Variants in SNORC observed in about 807,000 individuals in gnomAD.
SNORC encodes secondary ossification center associated regulator of chondrocyte maturation, also known as protein SNORC.
In SNORC, 11 loss-of-function variants were observed where a neutral mutation model predicts 9.7. The observed-to-expected ratio is 1.14, with a 90% confidence interval of 0.72 to 1.88. The LOEUF is 1.88. SNORC is among the 40% of genes most tolerant of loss of function. The pLI is 0.00. For synonymous variants in SNORC, 108 were observed against 88.7 expected, an observed-to-expected ratio of 1.22 and a Z score of -1.22; for missense variants, 197 against 173.1, an observed-to-expected ratio of 1.14 and a Z score of -0.77.
chr2:232,874,238 CTGAA>C (rs1288822508), intron 1 of SNORC, among the ~76,000 whole-genome samples: 2 of 152,248 alleles, frequency 1.3e-5, no homozygotes, highest in African/African-American at 4.8e-5. Flanking sequence ...AATCCTCTAT[CTGAA>C]TGCTGAAATC....
chr2:232,876,408 A>C, downstream of SNORC: 2 of 1,483,990 alleles, frequency 1.3e-6, no homozygotes, highest in Non-Finnish European at 1.8e-6. The surrounding 1 kb of genome is among the most constrained non-coding windows in gnomAD (Gnocchi z 6.8). Flanking sequence ...TGCACTCCTC[A>C]CGCGCCTGTA....
At chr2:232,868,083 A>C (rs1201061092), upstream of SNORC, among the ~76,000 whole-genome samples, 1 of 152,052 alleles carries the variant, frequency 6.6e-6, no homozygotes, top group African/African-American at 2.4e-5. Flanking sequence ...TATATCAAGT[A>C]ATACATTAGT....
intron 1 of SNORC, among the ~76,000 whole-genome samples, chr2:232,874,123 G>A (rs1021393422): frequency 3.3e-5 from 5 of 152,224 alleles, no homozygotes; most frequent in Non-Finnish European, 2.9e-5. Flanking sequence ...ACATTTTATT[G>A]TGGAAAGATG....
intron 1 of SNORC, 100 bp downstream of exon 1, chr2:232,870,514 C>A: frequency 8.6e-7 from 1 of 1,157,686 alleles, no homozygotes; most frequent in Non-Finnish European, 1.2e-6. Context: ...AGGAAGCCCT[C>A]TCACAGGAGA....
intron 1 of SNORC, chr2:232,875,699 TG>T (rs1484845843): frequency 3.6e-6 from 2 of 561,002 alleles, no homozygotes; most frequent in Non-Finnish European, 6.3e-6. Flanking sequence ...AAGGGCTTTG[TG>T]GGGGGCACCT....
At position 232,876,171 on chromosome 2, in the gene SNORC, CG is replaced by C. The variant is rs1691231118; in HGVS notation, c.256+55del. 5 of 110,646 alleles carry C rather than the reference CG, an allele frequency of 4.5e-5. No individual in the cohort carries two copies. The highest frequency in any genetic ancestry group is 2.6e-3 in the Middle Eastern group (1 of 386). The allele number at this position is 110,646 out of a possible 1,614,324, so 6.9% of individuals were successfully genotyped here. On this transcript the variant is annotated intron_variant, in intron 2 of 2. Transcript: ENST00000331342. The surrounding 1 kb of genome is among the most constrained non-coding windows in gnomAD (Gnocchi z 6.8). ...GGGGAGAGGGAGAAATTAGGAGGGG[CG>C]GGGGGCGGGGGGCGCGGGGAGAAGG... is the stretch of plus-strand genomic sequence containing the variant.
chr2:232,868,851 C>A (rs1312038739), upstream of SNORC, among the ~76,000 whole-genome samples: 1 of 152,198 alleles, frequency 6.6e-6, no homozygotes, highest in African/African-American at 2.4e-5. Context: ...GTGGCCGGAT[C>A]TAATGTCATA....
chr2:232,872,312 C>T (rs1289312834), intron 1 of SNORC, among the ~76,000 whole-genome samples: 1 of 152,158 alleles, frequency 6.6e-6, no homozygotes, highest in Admixed American at 6.5e-5. Flanking sequence ...GGGAGCAGGC[C>T]GGGCTGAGCG....
intron 1 of SNORC, among the ~76,000 whole-genome samples, chr2:232,873,182 A>C (rs1691096113): frequency 1.3e-5 from 2 of 152,234 alleles, no homozygotes; most frequent in Non-Finnish European, 2.9e-5. Flanking sequence ...GCTTGACAGC[A>C]TAGTCTGAAC....
upstream of SNORC, chr2:232,870,200 C>A (rs191633272): frequency 1.4e-6 from 1 of 734,534 alleles, no homozygotes; most frequent in Non-Finnish European, 2.3e-6. Flanking sequence ...TGGGGAGGTG[C>A]GGGCACGATG....
chr2:232,873,681 C>T lies in SNORC; in HGVS notation c.74-2259C>T, dbSNP rs115087742. On this transcript the variant is annotated intron_variant, in intron 1 of 2. Transcript: ENST00000331342. Reference sequence around the variant, plus strand: ...AGCCTAGACCCTGGTGCCTGCCAGGCGGTGGGCGCACTCAGGCCTTTTACC... The same window carrying T: ...AGCCTAGACCCTGGTGCCTGCCAGGTGGTGGGCGCACTCAGGCCTTTTACC... 2.2e-3 allele frequency among the ~76,000 whole-genome samples: 340 copies of T among 152,174 alleles called. 1 individual carries two copies. Among genetic ancestry groups the T allele is most frequent in the African/African-American group, 7.4e-3 (307 of 41,504 alleles).
chr2:232,872,259 C>T (rs537855335), intron 1 of SNORC, among the ~76,000 whole-genome samples: 1 of 152,260 alleles, frequency 6.6e-6, no homozygotes, highest in South Asian at 2.1e-4. Flanking sequence ...ATCTGAGGCA[C>T]AGGCCCTCCC....
intron 1 of SNORC, among the ~76,000 whole-genome samples, chr2:232,871,696 T>G (rs1691031892): frequency 6.6e-6 from 1 of 152,186 alleles, no homozygotes; most frequent in Non-Finnish European, 1.5e-5. Flanking sequence ...GGGAAGGGAC[T>G]TAAAGGGGAA....
chr2:232,876,744 G>A (rs1344923944), downstream of SNORC: 9 of 985,818 alleles, frequency 9.1e-6, no homozygotes, highest in Admixed American at 1.2e-4. The surrounding 1 kb of genome is among the most constrained non-coding windows in gnomAD (Gnocchi z 6.8). Flanking sequence ...CATCGGAGCG[G>A]GTGTGCGGCC....
chr2:232,876,287 C>T lies in SNORC; in HGVS notation c.297C>T (p.Ala99=). 1.3e-6 allele frequency: 2 copies of T among 1,535,522 alleles called. No individual in the cohort carries two copies. The highest frequency in any genetic ancestry group is 2.0e-5 in the Admixed American group (1 of 49,968). ...GCGCTATCGCGGCCATCGTGATCGC[C>T]GCCCTGCTGGCCACCTGCGTGGTGC... The change falls in exon 3 of 3, where the codon GCC becomes GCT. Residue 99 remains alanine (A), a synonymous_variant. Coordinates refer to ENST00000331342, the Ensembl canonical transcript of SNORC. This position sits in a 1 kb window ranked among gnomAD's most constrained non-coding sequence, Gnocchi z 6.8.
At chr2:232,873,935 A>G (rs1337225533) in intron 1 of SNORC, among the ~76,000 whole-genome samples, 1 of 152,160 alleles carries the variant, frequency 6.6e-6, no homozygotes, top group Non-Finnish European at 1.5e-5. Context: ...TTGGGGGCCA[A>G]TGGGCCTTCC....
At chr2:232,869,304 C>T (rs1393057480), upstream of SNORC, among the ~76,000 whole-genome samples, 3 of 152,074 alleles carry the variant, frequency 2.0e-5, no homozygotes, top group Non-Finnish European at 4.4e-5. Context: ...AGCCTAGTCA[C>T]GGCCAGTGGA....
chr2:232,877,054 C>CT (rs1191840368), downstream of SNORC: 3 of 985,774 alleles, frequency 3.0e-6, no homozygotes, highest in East Asian at 1.1e-4. Context: ...CGTCTTGACT[C>CT]TGAGTCCTGC....
At chr2:232,872,656 A>G (rs570383559) in intron 1 of SNORC, among the ~76,000 whole-genome samples, 366 of 152,162 alleles carry the variant, frequency 2.4e-3, no homozygotes, top group African/African-American at 8.5e-3. Context: ...ACCCTGGCCT[A>G]TTCACTGTCC....
Sources: allele counts gnomAD v4.1 joint callset (sites outside exome capture counted in the v4.1 genomes callset), GRCh38; gene constraint gnomAD v4.1.1; non-coding constraint Gnocchi (gnomAD v3.1); transcripts MANE v1.5; gene names NCBI Gene and HGNC (gene_info 2026-07-23, HGNC 2026-07-21).